TRIM35: variants seen among roughly 807,000 people sequenced by gnomAD.
TRIM35 encodes tripartite motif containing 35.
A neutral mutation model predicts 49.1 loss-of-function variants in TRIM35; 37 were observed. The observed-to-expected ratio is 0.75, with a 90% CI of 0.58 to 0.99. TRIM35 has a LOEUF of 0.99. TRIM35 is among the 50% of genes least tolerant of loss of function. The pLI is 0.00. For missense variants in TRIM35, 648 were observed against 702.7 expected, an observed-to-expected ratio of 0.92 and a Z score of 0.88; for synonymous variants, 302 against 289.3, an observed-to-expected ratio of 1.04 and a Z score of -0.45.
Position 27,286,081 on chromosome 8 carries a change from G to A in TRIM35, c.*1469C>T, listed in dbSNP as rs1286696998. On this transcript the variant is annotated 3_prime_UTR_variant, in exon 6 of 6. Coordinates refer to ENST00000305364, the MANE Select transcript of TRIM35 (RefSeq NM_171982.5). Reference sequence around the variant, plus strand: ...AGCTTTTGTGAACTGAAGGGGATGGGCAGAAGGCAGGATGCTGTCCTTGGT... The same window carrying A: ...AGCTTTTGTGAACTGAAGGGGATGGACAGAAGGCAGGATGCTGTCCTTGGT... 1 of 456,188 alleles carries A rather than the reference G, an allele frequency of 2.2e-6. No individual in the cohort carries two copies. Among genetic ancestry groups the A allele is most frequent in the South Asian group, 1.5e-5 (1 of 64,532 alleles). 28.3% of individuals were successfully genotyped at this position (456,188 alleles called of 1,614,324 possible).
intron 1 of TRIM35, among the ~76,000 whole-genome samples, chr8:27,309,171 G>A (rs1473371078): frequency 6.6e-6 from 1 of 152,184 alleles, no homozygotes; most frequent in Admixed American, 6.5e-5. Context: ...CTCTGCCTGG[G>A]TGTTCTCAGC....
At chr8:27,292,750 G>A (rs1449107409) in intron 3 of TRIM35, among the ~76,000 whole-genome samples, 1 of 152,172 alleles carries the variant, frequency 6.6e-6, no homozygotes, top group South Asian at 2.1e-4. Flanking sequence ...GGCATGAAAT[G>A]TTCTAAAATT....
chr8:27,288,834 A>G (rs1386232466), intron 5 of TRIM35, among the ~76,000 whole-genome samples: 1 of 152,156 alleles, frequency 6.6e-6, no homozygotes, highest in Non-Finnish European at 1.5e-5. Flanking sequence ...GCCTTAGGAG[A>G]GGCAAGCCCA....
In TRIM35 at chr8:27,286,760, C is replaced by T. The variant is rs933547811; in HGVS notation, c.*790G>A. On this transcript the variant is annotated 3_prime_UTR_variant, in exon 6 of 6. Coordinates refer to ENST00000305364, the MANE Select transcript of TRIM35 (RefSeq NM_171982.5). The stretch of plus-strand genomic sequence containing the variant: ...CTGGGGCCTCGCTGACCTGGACAGA[C>T]TGATCCTCCCAGGCTAGCCAATCCC... 6.5e-6 allele frequency: 1 copy of T among 153,014 alleles called. No individual in the cohort carries two copies. Among genetic ancestry groups the T allele is most frequent in the Non-Finnish European group, 1.5e-5 (1 of 68,698 alleles). The allele number at this position is 153,014 out of a possible 1,614,324, so 9.5% of individuals were successfully genotyped here.
chr8:27,298,483 G>T lies in TRIM35; in HGVS notation c.512C>A (p.Ala171Asp), dbSNP rs370409864. Reference protein sequence around the residue: ...AFWAMRRSYEAIAKHNQVEAA... With the variant: ...AFWAMRRSYEDIAKHNQVEAA... ...GCTCACCTGATTGTGCTTGGCGATGGCCTCATAGGAGCGCCGCATGGCCCA... is the reference window on the plus strand; with the variant it reads ...GCTCACCTGATTGTGCTTGGCGATGTCCTCATAGGAGCGCCGCATGGCCCA... The change falls in exon 2 of 6, where the codon GCC becomes GAC. Residue 171 changes from alanine to aspartate, a missense_variant. Ala to Asp is a moderately radical substitution (Grantham distance 126, BLOSUM62 -2). Coordinates refer to ENST00000305364, the MANE Select transcript of TRIM35 (RefSeq NM_171982.5). 1 of 1,614,216 alleles carries T rather than the reference G, an allele frequency of 6.2e-7. No homozygotes were observed. Among genetic ancestry groups the T allele is most frequent in the Non-Finnish European group, 8.5e-7 (1 of 1,180,030 alleles).
Position 27,288,024 on chromosome 8 carries a change from C to G in TRIM35, c.1008G>C (p.Pro336=). ...NHGYRVQVEN[P]ERFSSAPCLL... ...GGCAGGGCGCCGAGGAGAAGCGTTC[C>G]GGGTTCTCCACCTGCACGCGGTAGC... Residue 336 remains proline (P), a synonymous_variant, in exon 6 of 6, where the codon CCG becomes CCC. Transcript: ENST00000305364. The G allele has an allele frequency of 6.2e-7, 1 of 1,613,612 alleles. No individual in the cohort carries two copies. Among genetic ancestry groups the G allele is most frequent in the Non-Finnish European group, 8.5e-7 (1 of 1,180,014 alleles).
chr8:27,295,831 A>G (rs920227500), intron 2 of TRIM35, among the ~76,000 whole-genome samples: 2 of 152,220 alleles, frequency 1.3e-5, no homozygotes, highest in African/African-American at 4.8e-5. Context: ...GAAAATGGCC[A>G]AAAAAATTGA....
At chr8:27,300,878 A>G (rs908590225) in intron 1 of TRIM35, among the ~76,000 whole-genome samples, 1 of 152,224 alleles carries the variant, frequency 6.6e-6, no homozygotes, top group Non-Finnish European at 1.5e-5. Flanking sequence ...GATTTGCCAA[A>G]TTAGTTAAGT....
At chr8:27,304,246 C>T (rs964296825) in intron 1 of TRIM35, among the ~76,000 whole-genome samples, 1 of 152,222 alleles carries the variant, frequency 6.6e-6, no homozygotes, top group African/African-American at 2.4e-5. Flanking sequence ...GAATGAATTT[C>T]ATTGCACAAG....
chr8:27,304,977 G>A (rs1009842063), intron 1 of TRIM35: 1 of 364,962 alleles, frequency 2.7e-6, no homozygotes. Flanking sequence ...GGCCGACCAG[G>A]TTCAAATCCC....
At chr8:27,302,704 A>C (rs555750061) in intron 1 of TRIM35, among the ~76,000 whole-genome samples, 1 of 152,170 alleles carries the variant, frequency 6.6e-6, no homozygotes, top group African/African-American at 2.4e-5. Flanking sequence ...CTCCCTGCCT[A>C]TATTTTATTT....
chr8:27,310,718 G>A (rs1167172562), intron 1 of TRIM35, 83 bp downstream of exon 1: 2 of 1,434,338 alleles, frequency 1.4e-6, no homozygotes, highest in African/African-American at 1.4e-5. Flanking sequence ...GCTCTGGCAG[G>A]CAGGAGGGGC....
chr8:27,309,992 AAAAAAC>A (rs991629243), intron 1 of TRIM35, among the ~76,000 whole-genome samples: 1 of 152,100 alleles, frequency 6.6e-6, no homozygotes, highest in African/African-American at 2.4e-5. Flanking sequence ...CAAAAAAAAA[AAAAAAC>A]AAAGGGAAGT....
At position 27,294,311 on chromosome 8, in the gene TRIM35, C is replaced by A. The variant is rs1170059827; in HGVS notation, c.532-1G>T. 4 of 1,612,596 alleles carry A rather than the reference C, an allele frequency of 2.5e-6. No individual in the cohort carries two copies. The highest frequency in any genetic ancestry group is 3.4e-6 in the Non-Finnish European group (4 of 1,179,600). On this transcript the variant is annotated splice_acceptor_variant, in intron 2 of 5. Transcript: ENST00000305364. LOFTEE classifies it high-confidence loss of function. ...GGCCTTCCAGCCATGCAGCCTCCAC[C>A]TACGGAAGACAGCAGGAGGAGTCAG...
intron 1 of TRIM35, among the ~76,000 whole-genome samples, chr8:27,300,546 G>C (rs1802662211): frequency 6.6e-6 from 1 of 152,140 alleles, no homozygotes; most frequent in Non-Finnish European, 1.5e-5. Flanking sequence ...AAGGCACTAA[G>C]TTTTGGGGCA....
rs1162652643 is a variant in TRIM35, at chr8:27,285,568, C to G, written c.*1982G>C. The stretch of plus-strand genomic sequence containing the variant: ...GAACACATGCTACAACATGGATGAA[C>G]TTTGCTTATAAGAACATTGAAAAGA... On this transcript the variant is annotated 3_prime_UTR_variant, in exon 6 of 6. Transcript: ENST00000305364. 1 of 147,808 alleles carries G rather than the reference C, an allele frequency of 6.8e-6. No homozygotes were observed. The highest frequency in any genetic ancestry group is 1.5e-5 in the Non-Finnish European group (1 of 67,592). 9.2% of individuals were successfully genotyped at this position (147,808 alleles called of 1,614,324 possible).
intron 1 of TRIM35, among the ~76,000 whole-genome samples, chr8:27,305,805 G>A (rs1047990286): frequency 6.6e-6 from 1 of 152,184 alleles, no homozygotes; most frequent in African/African-American, 2.4e-5. Flanking sequence ...TGGACTGGGA[G>A]GCAGGAAACC....
chr8:27,301,635 T>C (rs1429190564), intron 1 of TRIM35, among the ~76,000 whole-genome samples: 1 of 152,198 alleles, frequency 6.6e-6, no homozygotes, highest in Non-Finnish European at 1.5e-5. Flanking sequence ...GTAATGAATA[T>C]TTTCTACTTC....
intron 3 of TRIM35, among the ~76,000 whole-genome samples, chr8:27,293,010 T>G (rs112070149): frequency 1.6e-5 from 2 of 125,528 alleles, no homozygotes; most frequent in African/African-American, 3.1e-5. Context: ...TTTCTTTTTT[T>G]TTTTTCTTCA....
Sources: gnomAD v4.1 joint callset for allele counts (sites outside exome capture counted in the v4.1 genomes callset) on GRCh38, gnomAD v4.1.1 for gene constraint, MANE v1.5 for transcripts, NCBI Gene and HGNC (gene_info 2026-07-23, HGNC 2026-07-21) for gene names.